Variants in PPARGC1A observed in about 807,000 individuals in gnomAD.
PPARGC1A encodes PPARG coactivator 1 alpha, also known as peroxisome proliferator-activated receptor gamma coactivator 1-alpha.
In PPARGC1A, 25 loss-of-function variants were observed where a neutral mutation model predicts 88.7. The ratio of observed to expected loss-of-function variants is 0.28; its 90% CI spans 0.21 to 0.39. The LOEUF is 0.39. Ranked by LOEUF, PPARGC1A falls within the 10% of genes least tolerant of loss-of-function variation. The pLI is 1.00. For missense variants in PPARGC1A, 880 were observed against 968.7 expected, an observed-to-expected ratio of 0.91 and a Z score of 1.22; for synonymous variants, 363 against 355.6, an observed-to-expected ratio of 1.02 and a Z score of -0.24.
chr4:24,116,757 T>A, the PPARGC1A span, among the ~76,000 whole-genome samples: 53 of 152,288 alleles, frequency 3.5e-4, no homozygotes, highest in African/African-American at 1.2e-3. Flanking sequence ...TAACAAGGGC[T>A]GAAACTAAAG....
At chr4:24,291,831 G>A in the PPARGC1A span, among the ~76,000 whole-genome samples, 1 of 152,204 alleles carries the variant, frequency 6.6e-6, no homozygotes, top group Non-Finnish European at 1.5e-5. Context: ...TACAAAACCA[G>A]TGAAGAGTGG....
At chr4:24,436,690 A>G in the PPARGC1A span, among the ~76,000 whole-genome samples, 1 of 140,838 alleles carries the variant, frequency 7.1e-6, no homozygotes, top group African/African-American at 2.7e-5. Flanking sequence ...TCGATTGGCC[A>G]CCCCAGAGCC....
chr4:24,095,454 C>T, the PPARGC1A span, among the ~76,000 whole-genome samples: 2 of 152,046 alleles, frequency 1.3e-5, no homozygotes, highest in Admixed American at 6.5e-5. Flanking sequence ...GGGAATAAAA[C>T]TGAAATGAGG....
At chr4:23,929,908 G>A in the PPARGC1A span, among the ~76,000 whole-genome samples, 1 of 152,112 alleles carries the variant, frequency 6.6e-6, no homozygotes, top group Non-Finnish European at 1.5e-5. Flanking sequence ...ACAACCCTAT[G>A]AGGAGGGTAT....
chr4:23,910,906 C>A, the PPARGC1A span, among the ~76,000 whole-genome samples: 4 of 152,066 alleles, frequency 2.6e-5, no homozygotes, highest in Non-Finnish European at 4.4e-5. Context: ...ACACTTGAAC[C>A]TGGGCAGCCT....
At chr4:24,001,935 G>A in the PPARGC1A span, among the ~76,000 whole-genome samples, 1 of 152,020 alleles carries the variant, frequency 6.6e-6, no homozygotes, top group East Asian at 1.9e-4. Flanking sequence ...GATATAATCG[G>A]CCAAATCATA....
the PPARGC1A span, among the ~76,000 whole-genome samples, chr4:24,185,555 G>T: frequency 3.3e-5 from 5 of 152,284 alleles, no homozygotes; most frequent in East Asian, 5.8e-4. Context: ...TCACCAGTAC[G>T]AGAAGCAAGT....
At chr4:23,842,660 C>A (rs1336354870) in intron 2 of PPARGC1A, among the ~76,000 whole-genome samples, 2 of 152,044 alleles carry the variant, frequency 1.3e-5, no homozygotes, top group African/African-American at 2.4e-5. Flanking sequence ...CAGTAGCACA[C>A]CTCCAGTTAT....
At chr4:24,101,595 A>G in the PPARGC1A span, among the ~76,000 whole-genome samples, 3 of 152,362 alleles carry the variant, frequency 2.0e-5, no homozygotes, top group Admixed American at 1.3e-4. Flanking sequence ...ATACATATGT[A>G]AAATTATAAG....
Position 23,812,776 on chromosome 4 carries a change from G to C in PPARGC1A, c.1990C>G (p.Gln664Glu), listed in dbSNP as rs1373777335. The C allele has an allele frequency of 6.2e-7, 1 of 1,613,944 alleles. No homozygotes were observed. The highest frequency in any genetic ancestry group is 8.5e-7 in the Non-Finnish European group (1 of 1,179,984). ...GCCTTCTGCCTCTGCCTCTCCCTTT[G>C]CTTGGCCCTCTCAGACTCTCGCTTC... ...YEKRESERAK[Q>E]RERQRQKAIE... Residue 664 changes from glutamine (Q) to glutamate (E), a missense_variant, in exon 10 of 13, where the codon CAA becomes GAA. Physicochemically the swap from Gln to Glu is conservative, Grantham distance 29. Transcript: ENST00000264867.
At chr4:24,334,694 G>A in the PPARGC1A span, among the ~76,000 whole-genome samples, 23 of 152,170 alleles carry the variant, frequency 1.5e-4, no homozygotes, top group Admixed American at 9.2e-4. Context: ...TGCTATAAGT[G>A]GAGGATGTTG....
At chr4:24,458,797 T>G in the PPARGC1A span, among the ~76,000 whole-genome samples, 4 of 152,178 alleles carry the variant, frequency 2.6e-5, no homozygotes, top group South Asian at 4.1e-4. Context: ...ACAGGGCCAC[T>G]AAAAATTATA....
At chr4:23,809,112 T>G (rs1430165630) in intron 10 of PPARGC1A, among the ~76,000 whole-genome samples, 2 of 152,216 alleles carry the variant, frequency 1.3e-5, no homozygotes, top group African/African-American at 4.8e-5. Flanking sequence ...AAGAACATCA[T>G]GTACCTGACC....
chr4:24,125,839 C>T, the PPARGC1A span, among the ~76,000 whole-genome samples: 1 of 152,190 alleles, frequency 6.6e-6, no homozygotes, highest in Non-Finnish European at 1.5e-5. Context: ...GCTCACATAT[C>T]TGCCCTGCCC....
At chr4:24,141,398 G>A in the PPARGC1A span, among the ~76,000 whole-genome samples, 1 of 152,230 alleles carries the variant, frequency 6.6e-6, no homozygotes, top group East Asian at 1.9e-4. Flanking sequence ...CATCAGCGTT[G>A]ACTCTATGCT....
the PPARGC1A span, among the ~76,000 whole-genome samples, chr4:23,958,003 A>C: frequency 6.6e-6 from 1 of 152,070 alleles, no homozygotes; most frequent in East Asian, 1.9e-4. Context: ...CTAGGAGTCC[A>C]TCCCTGTGTG....
chr4:24,097,140 T>C, the PPARGC1A span, among the ~76,000 whole-genome samples: 27 of 152,194 alleles, frequency 1.8e-4, no homozygotes, highest in African/African-American at 6.5e-4. Context: ...ATTGTAAGAA[T>C]CGAGCAACTA....
the PPARGC1A span, among the ~76,000 whole-genome samples, chr4:24,333,661 C>T: frequency 2.7e-4 from 41 of 151,840 alleles, no homozygotes; most frequent in Non-Finnish European, 4.9e-4. Context: ...TGGCGGTGTG[C>T]GGTGGCTCAC....
chr4:23,844,412 A>AATATATAATATATTATATATATT (rs1560426282), intron 2 of PPARGC1A, among the ~76,000 whole-genome samples: 3 of 126,380 alleles, frequency 2.4e-5, no homozygotes, highest in African/African-American at 9.1e-5. Flanking sequence ...ATCATATAAT[A>AATATATAATATATTATATATATT]ATATATAATA....
Sources: gnomAD v4.1 joint callset for allele counts (sites outside exome capture counted in the v4.1 genomes callset) on GRCh38, gnomAD v4.1.1 for gene constraint, MANE v1.5 for transcripts, NCBI Gene and HGNC (gene_info 2026-07-23, HGNC 2026-07-21) for gene names.